Variants in NDNF observed in about 807,000 individuals in gnomAD.
NDNF encodes neuron derived neurotrophic factor.
NDNF carries 16 observed loss-of-function variants against 42.0 expected under a neutral mutation model. The observed-to-expected ratio is 0.38, with a 90% confidence interval of 0.26 to 0.58. The LOEUF is 0.58. Among genes scored for constraint, NDNF ranks in the 20% least tolerant of loss-of-function variants. The probability of loss-of-function intolerance (pLI) is 0.67; values close to 1 mark genes in which losing one functional copy is unlikely to be tolerated. For synonymous variants in NDNF, 248 were observed against 251.7 expected, an observed-to-expected ratio of 0.99 and a Z score of 0.14; for missense variants, 616 against 666.2, an observed-to-expected ratio of 0.92 and a Z score of 0.83.
At position 121,072,532 on chromosome 4, in the gene NDNF, G is replaced by A. The variant is rs961910984; in HGVS notation, c.-541C>T. On this transcript the variant is annotated 5_prime_UTR_variant, in exon 1 of 4. Coordinates refer to ENST00000379692, the MANE Select transcript of NDNF (RefSeq NM_024574.4). ...ACTCTCTCGCGGCTGGAAGTGGGGA[G>A]TGTGTGTTCGCTCCCGAGTGTCACT... The A allele has an allele frequency of 6.6e-6, 1 of 151,592 alleles. No homozygotes were observed. The highest frequency in any genetic ancestry group is 2.4e-5 in the African/African-American group (1 of 41,420). 9.4% of individuals were successfully genotyped at this position (151,592 alleles called of 1,614,324 possible).
At chr4:121,052,434 G>A (rs1193483007) in intron 1 of NDNF, among the ~76,000 whole-genome samples, 2 of 152,146 alleles carry the variant, frequency 1.3e-5, no homozygotes, top group African/African-American at 2.4e-5. Flanking sequence ...ATTATAATTT[G>A]GCGAGAATAA....
Position 121,039,143 on chromosome 4 carries a change from G to GTATATATATATATA in NDNF, c.313+786_313+787insTATATATATATATA, listed in dbSNP as rs1386847891. On this transcript the variant is annotated intron_variant, in intron 3 of 3. Transcript: ENST00000379692. ...TACGTATACATAGTTATATATATAT[G>GTATATATATATATA]TGTATATATATATGTATATATATAT... Among the ~76,000 whole-genome samples, 43 of 37,704 alleles carry GTATATATATATATA rather than the reference G, an allele frequency of 1.1e-3. 2 individuals are homozygous for GTATATATATATATA. The South Asian group carries it at 0.013, about 11-fold the overall frequency. The allele number at this position is 37,704 out of a possible 152,430, so 24.7% of individuals were successfully genotyped here. A position where few individuals can be genotyped will look rare whatever the true frequency, so the allele number is the denominator to read the frequency against.
At chr4:121,065,075 A>G (rs1429740622) in intron 1 of NDNF, among the ~76,000 whole-genome samples, 1 of 152,158 alleles carries the variant, frequency 6.6e-6, no homozygotes, top group Admixed American at 6.5e-5. Context: ...AGCTGGGATT[A>G]TAACTGTGCC....
chr4:121,057,691 G>A (rs765365329), intron 1 of NDNF, among the ~76,000 whole-genome samples: 2 of 152,204 alleles, frequency 1.3e-5, no homozygotes, highest in Non-Finnish European at 2.9e-5. Flanking sequence ...ATCTGACAAA[G>A]CCATTCCACT....
chr4:121,067,609 G>T (rs2148773307), intron 1 of NDNF, among the ~76,000 whole-genome samples: 1 of 152,200 alleles, frequency 6.6e-6, no homozygotes, highest in African/African-American at 2.4e-5. Context: ...AATTGGCATT[G>T]TAATAGGGCC....
intron 1 of NDNF, among the ~76,000 whole-genome samples, chr4:121,052,447 T>C (rs1727214542): frequency 6.6e-6 from 1 of 152,242 alleles, no homozygotes; most frequent in Middle Eastern, 3.2e-3. Context: ...GAGAATAATT[T>C]CAAGGAATGG....
chr4:121,047,489 T>C (rs1579313686), intron 1 of NDNF, among the ~76,000 whole-genome samples: 2 of 152,348 alleles, frequency 1.3e-5, no homozygotes, highest in South Asian at 2.1e-4. Context: ...CAGGTGGATC[T>C]GACTGCAGAG....
Position 121,036,865 on chromosome 4 carries a change from G to A in NDNF, c.1106C>T (p.Ser369Phe), listed in dbSNP as rs1439753648. The A allele has an allele frequency of 2.5e-6, 4 of 1,613,976 alleles. No individual in the cohort carries two copies. Among genetic ancestry groups the A allele is most frequent in the Non-Finnish European group, 3.4e-6 (4 of 1,180,034 alleles). ...AAAGAAGGTGACTTTTTGGTGAGAAGAGACTGGAGCAAACCGTAGAAACTT... is the reference window on the plus strand; with the variant it reads ...AAAGAAGGTGACTTTTTGGTGAGAAAAGACTGGAGCAAACCGTAGAAACTT... ...GAKFLRFAPV[S>F]SHQKVTFFIH... Residue 369 changes from serine to phenylalanine, a missense_variant, in exon 4 of 4, where the codon TCT (serine) becomes TTT (phenylalanine). Transcript: ENST00000379692.
intron 1 of NDNF, among the ~76,000 whole-genome samples, chr4:121,050,276 G>A (rs1727171760): frequency 6.6e-6 from 1 of 152,130 alleles, no homozygotes; most frequent in Non-Finnish European, 1.5e-5. Flanking sequence ...TTCTTGTTAA[G>A]CATAAGCCTT....
rs372627603 is a variant in NDNF, at chr4:121,061,183, C to A, written c.-2+10810G>T. On this transcript the variant is annotated intron_variant, in intron 1 of 3. Transcript: ENST00000379692. ...GGCCCCCCAAAACACACAAAAACAC[C>A]TCCGGAAAGGTTAGAAAATATTCTC... The A allele has an allele frequency of 3.3e-5, 5 of 152,204 alleles. No individual in the cohort carries two copies. In the South Asian group the frequency reaches 8.3e-4, roughly 25 times the overall value. The allele number at this position is 152,204 out of a possible 1,614,324, so 9.4% of individuals were successfully genotyped here. A position where few individuals can be genotyped will look rare whatever the true frequency, so the allele number is the denominator to read the frequency against.
intron 1 of NDNF, among the ~76,000 whole-genome samples, chr4:121,051,644 C>A (rs28425773): frequency 6.6e-6 from 1 of 152,140 alleles, no homozygotes; most frequent in African/African-American, 2.4e-5. Context: ...TGTCATTTTG[C>A]AAAATTTATC....
At chr4:121,068,511 T>G (rs901081310) in intron 1 of NDNF, among the ~76,000 whole-genome samples, 8 of 152,222 alleles carry the variant, frequency 5.3e-5, no homozygotes, top group Non-Finnish European at 8.8e-5. Flanking sequence ...TTCTAGATAT[T>G]ATTTCAGGGT....
At chr4:121,059,769 C>T (rs1560609252) in intron 1 of NDNF, among the ~76,000 whole-genome samples, 1 of 152,128 alleles carries the variant, frequency 6.6e-6, no homozygotes, top group Non-Finnish European at 1.5e-5. Context: ...GCTCTTTTCC[C>T]GTTAAAATGA....
intron 1 of NDNF, among the ~76,000 whole-genome samples, chr4:121,071,232 G>C (rs1332312280): frequency 6.6e-5 from 10 of 152,134 alleles, no homozygotes. Context: ...CCTGGCTGGG[G>C]CCGTAGGGGG....
chr4:121,036,798 T>C lies in NDNF; in HGVS notation c.1173A>G (p.Arg391=). 6.2e-7 allele frequency: 1 copy of C among 1,614,190 alleles called. No homozygotes were observed. The highest frequency in any genetic ancestry group is 8.5e-7 in the Non-Finnish European group (1 of 1,180,040). ...CLDAVQIQVR[R]DGKLLLSQNV... ...TCTGAGACAGAAGAAGTTTCCCATC[T>C]CTTCTCACTTGGATTTGGACAGCAT... Residue 391 remains arginine (R), a synonymous_variant, in exon 4 of 4, where the codon AGA becomes AGG. Transcript: ENST00000379692.
chr4:121,036,090 G>T lies in NDNF; in HGVS notation c.*174C>A. ...GGTACCATGGGGCACGCTAGAACAA[G>T]TCTCCTTCAAGAGTTACTTATATAA... On this transcript the variant is annotated 3_prime_UTR_variant, in exon 4 of 4. Coordinates refer to ENST00000379692, the MANE Select transcript of NDNF (RefSeq NM_024574.4). 1.6e-6 allele frequency: 1 copy of T among 610,038 alleles called. No homozygotes were observed. Among genetic ancestry groups the T allele is most frequent in the East Asian group, 2.8e-5 (1 of 36,172 alleles). The allele number at this position is 610,038 out of a possible 1,614,324, so 37.8% of individuals were successfully genotyped here.
chr4:121,039,145 G>GTATATATATATGTATA lies in NDNF; in HGVS notation c.313+769_313+784dup, dbSNP rs1560603074. On this transcript the variant is annotated intron_variant, in intron 3 of 3. Coordinates refer to ENST00000379692, the MANE Select transcript of NDNF (RefSeq NM_024574.4). ...CGTATACATAGTTATATATATATGT[G>GTATATATATATGTATA]TATATATATATGTATATATATATAT... 4.5e-4 allele frequency among the ~76,000 whole-genome samples: 39 copies of GTATATATATATGTATA among 86,338 alleles called. 1 individual carries two copies. Among genetic ancestry groups the GTATATATATATGTATA allele is most frequent in the South Asian group, 2.8e-3 (6 of 2,124 alleles). The allele number at this position is 86,338 out of a possible 152,430, so 56.6% of individuals were successfully genotyped here. A position where few individuals can be genotyped will look rare whatever the true frequency, so the allele number is the denominator to read the frequency against.
intron 1 of NDNF, among the ~76,000 whole-genome samples, chr4:121,058,689 C>G (rs1727345186): frequency 6.6e-6 from 1 of 152,142 alleles, no homozygotes; most frequent in South Asian, 2.1e-4. Context: ...ATCCTCAAAT[C>G]CTGCCACTCT....
intron 1 of NDNF, among the ~76,000 whole-genome samples, chr4:121,060,788 C>T (rs949652789): frequency 6.6e-6 from 1 of 152,202 alleles, no homozygotes; most frequent in African/African-American, 2.4e-5. Flanking sequence ...GAAGCTTCAA[C>T]TCTCCCTCAT....
Sources: allele counts gnomAD v4.1 joint callset (sites outside exome capture counted in the v4.1 genomes callset), GRCh38; gene constraint gnomAD v4.1.1; transcripts MANE v1.5; gene names NCBI Gene and HGNC (gene_info 2026-07-23, HGNC 2026-07-21).